Variants in CCDC149 observed in about 807,000 individuals in gnomAD.
The protein encoded by CCDC149 is coiled-coil domain-containing protein 149.
Under a neutral mutation model 59.9 loss-of-function variants are expected in CCDC149, and 45 were observed. That is an observed-to-expected ratio of 0.75 (90% CI 0.59 to 0.96). The LOEUF is 0.96. CCDC149 is among the 40% of genes least tolerant of loss of function. The pLI is 0.00. For missense variants in CCDC149, 584 were observed against 664.7 expected (o/e 0.88, Z 1.33); for synonymous variants, 245 against 260.6 (o/e 0.94, Z 0.58).
At chr4:24,836,991 A>C (rs35597178) in intron 6 of CCDC149, among the ~76,000 whole-genome samples, 28,743 of 152,186 alleles carry the variant, frequency 0.19, 2,859 homozygotes, top group Admixed American at 0.23. Context: ...CAACCTACCA[A>C]GGAAGGTGTA....
chr4:24,974,106 G>A (rs1216567526), intron 1 of CCDC149, among the ~76,000 whole-genome samples: 1 of 152,196 alleles, frequency 6.6e-6, no homozygotes, highest in Non-Finnish European at 1.5e-5. Flanking sequence ...GCCTGTGTGC[G>A]GCCCACTGTC....
At chr4:24,813,752 A>C (rs972204507) in intron 12 of CCDC149, among the ~76,000 whole-genome samples, 5 of 152,092 alleles carry the variant, frequency 3.3e-5, no homozygotes, top group African/African-American at 9.7e-5. Flanking sequence ...TTACTTAATC[A>C]AATGTTTAAA....
chr4:24,846,093 C>T (rs536997237), intron 4 of CCDC149, among the ~76,000 whole-genome samples: 9 of 152,236 alleles, frequency 5.9e-5, no homozygotes, highest in African/African-American at 2.2e-4. Context: ...CGTGGTCTAC[C>T]CAGACTATGA....
intron 1 of CCDC149, among the ~76,000 whole-genome samples, chr4:24,944,113 C>T (rs1032978727): frequency 5.9e-5 from 9 of 152,234 alleles, no homozygotes; most frequent in East Asian, 1.9e-4. Flanking sequence ...ATGTTTATTG[C>T]GGCACTATTC....
At chr4:24,970,474 T>TG (rs1486228367) in intron 1 of CCDC149, among the ~76,000 whole-genome samples, 1 of 152,100 alleles carries the variant, frequency 6.6e-6, no homozygotes, top group Non-Finnish European at 1.5e-5. Context: ...GGCTGGCTAC[T>TG]GGGGGGACGT....
intron 1 of CCDC149, among the ~76,000 whole-genome samples, chr4:24,911,235 C>A (rs1721853060): frequency 6.6e-6 from 1 of 152,220 alleles, no homozygotes; most frequent in African/African-American, 2.4e-5. Flanking sequence ...TTAAGCCCAG[C>A]CAACTGAGGG....
chr4:24,849,823 G>A (rs1015131989), intron 4 of CCDC149, among the ~76,000 whole-genome samples: 4 of 152,166 alleles, frequency 2.6e-5, no homozygotes, highest in East Asian at 1.9e-4. Flanking sequence ...ATAAAATGAC[G>A]CCATCAGCCC....
chr4:24,969,854 G>C (rs1271366445), intron 1 of CCDC149, among the ~76,000 whole-genome samples: 1 of 152,360 alleles, frequency 6.6e-6, no homozygotes, highest in Middle Eastern at 3.4e-3. Flanking sequence ...TAGCTCCCTT[G>C]GGGGAGGGCC....
chr4:24,844,953 C>T (rs1717183316), intron 4 of CCDC149, among the ~76,000 whole-genome samples: 1 of 152,100 alleles, frequency 6.6e-6, no homozygotes, highest in Non-Finnish European at 1.5e-5. Flanking sequence ...TGTTGCTATC[C>T]TTATTTGCAC....
At chr4:24,889,441 G>A (rs1206542393) in intron 1 of CCDC149, among the ~76,000 whole-genome samples, 1 of 152,202 alleles carries the variant, frequency 6.6e-6, no homozygotes, top group Non-Finnish European at 1.5e-5. Context: ...AGGCCGAGAT[G>A]CTGCCGGTAC....
intron 3 of CCDC149, among the ~76,000 whole-genome samples, chr4:24,854,203 G>C (rs147825817): frequency 1.3e-5 from 2 of 152,082 alleles, no homozygotes; most frequent in Admixed American, 1.3e-4. Context: ...CACAGTCCTC[G>C]CTCACATGGC....
At chr4:24,924,220 G>A (rs1222989270) in intron 1 of CCDC149, among the ~76,000 whole-genome samples, 2 of 149,704 alleles carry the variant, frequency 1.3e-5, no homozygotes, top group African/African-American at 2.5e-5. Flanking sequence ...AAAGTGATGA[G>A]ATCAGATATT....
chr4:24,895,057 T>C (rs1390607907), intron 1 of CCDC149: 3 of 1,514,236 alleles, frequency 2.0e-6, no homozygotes, highest in African/African-American at 2.8e-5. Flanking sequence ...ACGACCATGA[T>C]GGTGATGATG....
chr4:24,842,493 C>A (rs1716997429), intron 4 of CCDC149, among the ~76,000 whole-genome samples: 1 of 152,208 alleles, frequency 6.6e-6, no homozygotes, highest in African/African-American at 2.4e-5. Flanking sequence ...GCACAGCCAG[C>A]CTCCCTGTGC....
chr4:24,816,960 T>C (rs1251596453), intron 12 of CCDC149, among the ~76,000 whole-genome samples: 1 of 152,150 alleles, frequency 6.6e-6, no homozygotes, highest in Non-Finnish European at 1.5e-5. Context: ...TCAGTTGGAA[T>C]TGATCACAGA....
intron 10 of CCDC149, 39 bp downstream of exon 10, chr4:24,822,445 TAAAAAAAAGAAAA>T (rs767037037): frequency 1.1e-4 from 136 of 1,267,928 alleles, no homozygotes; most frequent in Middle Eastern, 1.9e-4. Context: ...CTTCATTTCT[TAAAAAAAAGAAAA>T]AAAAAAAAGG....
chr4:24,864,425 A>G (rs887036051), intron 3 of CCDC149, among the ~76,000 whole-genome samples: 8 of 152,122 alleles, frequency 5.3e-5, no homozygotes, highest in African/African-American at 1.7e-4. Context: ...GGACTAACCA[A>G]CTGGTCCTGT....
At chr4:24,879,453 G>T (rs1719693689) in intron 1 of CCDC149, among the ~76,000 whole-genome samples, 1 of 151,570 alleles carries the variant, frequency 6.6e-6, no homozygotes, top group African/African-American at 2.4e-5. Context: ...GGAGGCAGAG[G>T]CTGCAGTGAG....
chr4:24,900,810 C>T (rs1420103953), intron 1 of CCDC149, among the ~76,000 whole-genome samples: 1 of 152,182 alleles, frequency 6.6e-6, no homozygotes, highest in Non-Finnish European at 1.5e-5. Context: ...CTGGTGAAGG[C>T]TGTGGACAGA....
Sources: allele counts gnomAD v4.1 joint callset (sites outside exome capture counted in the v4.1 genomes callset), GRCh38; gene constraint gnomAD v4.1.1; transcripts MANE v1.5; gene names NCBI Gene and HGNC (gene_info 2026-07-23, HGNC 2026-07-21).